Variants in FKBP1B observed in about 807,000 individuals in gnomAD.
The protein encoded by FKBP1B is FKBP prolyl isomerase 1B, also known as peptidyl-prolyl cis-trans isomerase FKBP1B.
Under a neutral mutation model 13.5 loss-of-function variants are expected in FKBP1B, and 4 were observed. The observed-to-expected ratio is 0.30, with a 90% CI of 0.15 to 0.68. The LOEUF (loss-of-function observed/expected upper bound fraction) is 0.68. FKBP1B is among the 30% of genes least tolerant of loss of function. The pLI is 0.76. For missense variants in FKBP1B, 93 were observed against 136.2 expected (o/e 0.68, Z 1.58); for synonymous variants, 54 against 53.6 (o/e 1.01, Z -0.03).
the FKBP1B span, among the ~76,000 whole-genome samples, chr2:24,033,463 T>C: frequency 6.6e-6 from 1 of 152,200 alleles, no homozygotes; most frequent in Non-Finnish European, 1.5e-5. Flanking sequence ...AAAAATTGGC[T>C]GGGCACAGTG....
At chr2:24,060,443 C>T (rs1218564027) in intron 2 of FKBP1B, among the ~76,000 whole-genome samples, 1 of 151,902 alleles carries the variant, frequency 6.6e-6, no homozygotes, top group South Asian at 2.1e-4. Flanking sequence ...TGCCAGCTAC[C>T]TGGGAGGCTG....
chr2:24,061,197 G>A (rs1390677817), intron 3 of FKBP1B, among the ~76,000 whole-genome samples: 3 of 152,190 alleles, frequency 2.0e-5, no homozygotes, highest in Non-Finnish European at 4.4e-5. Flanking sequence ...AGGCACGGTG[G>A]CTCACACCTG....
the FKBP1B span, chr2:24,038,799 A>G: frequency 1.9e-6 from 3 of 1,614,208 alleles, no homozygotes; most frequent in Middle Eastern, 1.6e-4. Context: ...TTTCAGATGC[A>G]TTTAAGCCAC....
chr2:24,054,034 C>T (rs1664005675), intron 2 of FKBP1B, 85 bp downstream of exon 2: 1 of 1,359,010 alleles, frequency 7.4e-7, no homozygotes, highest in Non-Finnish European at 1.1e-6. Flanking sequence ...GAGGTGCCTG[C>T]CTCTGGATCA....
chr2:24,041,189 A>G, the FKBP1B span, among the ~76,000 whole-genome samples: 7 of 151,664 alleles, frequency 4.6e-5, no homozygotes, highest in African/African-American at 1.7e-4. Context: ...TAATACAAAA[A>G]TTAGCCGGGC....
chr2:24,039,617 G>T, the FKBP1B span: 10 of 981,430 alleles, frequency 1.0e-5, no homozygotes, highest in Non-Finnish European at 1.5e-5. Context: ...GGTTAATAAT[G>T]TGGAGAGACA....
the FKBP1B span, among the ~76,000 whole-genome samples, chr2:24,044,022 T>C: frequency 6.6e-5 from 10 of 152,226 alleles, no homozygotes; most frequent in African/African-American, 2.2e-4. Context: ...ACTGGTCTTA[T>C]GAAAGATAAT....
chr2:24,037,709 G>A, the FKBP1B span: 1 of 1,613,572 alleles, frequency 6.2e-7, no homozygotes, highest in Non-Finnish European at 8.5e-7. Flanking sequence ...GGAAGATCTT[G>A]AGAGAGTGGA....
chr2:24,056,892 TG>T (rs1296224532), intron 2 of FKBP1B, among the ~76,000 whole-genome samples: 1 of 152,082 alleles, frequency 6.6e-6, no homozygotes, highest in African/African-American at 2.4e-5. Context: ...GGTTTCGCCA[TG>T]TTGGCCAGGC....
intron 2 of FKBP1B, 43 bp from the exon 3 acceptor site, chr2:24,060,771 C>G (rs772221100): frequency 1.8e-5 from 26 of 1,450,448 alleles, no homozygotes; most frequent in Non-Finnish European, 2.5e-5. Context: ...TGGGAGTTTA[C>G]TCATGACCAC....
rs112520233 is a variant in FKBP1B at position 24,056,014 on chromosome 2, G to A, written c.85+2065G>A. On this transcript the variant is annotated intron_variant, in intron 2 of 3. Coordinates refer to ENST00000380986, the MANE Select transcript of FKBP1B (RefSeq NM_004116.5). ...TTTGTTTTGTTTTTTCTTTTTTTGAGACAGAGTCTATGTTGCCCAGGCTGG... is the reference window on the plus strand; with the variant it reads ...TTTGTTTTGTTTTTTCTTTTTTTGAAACAGAGTCTATGTTGCCCAGGCTGG... Among the ~76,000 whole-genome samples, 349 of 152,184 alleles carry A rather than the reference G, an allele frequency of 2.3e-3. 1 individual carries two copies. Among genetic ancestry groups the A allele is most frequent in the African/African-American group, 8.1e-3 (337 of 41,522 alleles).
chr2:24,039,052 T>C, the FKBP1B span: 1 of 1,614,160 alleles, frequency 6.2e-7, no homozygotes, highest in Middle Eastern at 1.6e-4. Flanking sequence ...TGCCTTTACC[T>C]GGGAATCATC....
Position 24,055,099 on chromosome 2 carries a change from T to C in FKBP1B, c.85+1150T>C, listed in dbSNP as rs559460920. Reference sequence around the variant, plus strand: ...TATGTGACTACCACCTAGAGAAGCATAGAACATACAAGCATAGAACCAGCA... The same window carrying C: ...TATGTGACTACCACCTAGAGAAGCACAGAACATACAAGCATAGAACCAGCA... On this transcript the variant is annotated intron_variant, in intron 2 of 3. Transcript: ENST00000380986. Among the ~76,000 whole-genome samples the C allele has an allele frequency of 3.3e-5, 5 of 152,138 alleles. No individual in the cohort carries two copies. The South Asian group carries it at 1.0e-3, about 32-fold the overall frequency.
chr2:24,040,107 AT>A, the FKBP1B span, among the ~76,000 whole-genome samples: 1 of 152,034 alleles, frequency 6.6e-6, no homozygotes, highest in African/African-American at 2.4e-5. Context: ...GGCCAGAGTT[AT>A]TAATTTTCTT....
chr2:24,045,029 G>A (rs1197020997), upstream of FKBP1B, among the ~76,000 whole-genome samples: 1 of 152,100 alleles, frequency 6.6e-6, no homozygotes, highest in Non-Finnish European at 1.5e-5. Context: ...AATCTTGGGG[G>A]AACCAGCATA....
Position 24,053,897 on chromosome 2 carries a change from T to C in FKBP1B, c.38-5T>C, listed in dbSNP as rs781007418. 6.8e-6 allele frequency: 11 copies of C among 1,613,956 alleles called. No homozygotes were observed. The South Asian group carries it at 1.1e-4, about 16-fold the overall frequency. ...TCCTTCATCTGCCCTCATGTCTCCC[T>C]GCAGGAAGGACATTCCCCAAGAAGG... On this transcript the variant is annotated splice_polypyrimidine_tract_variant and splice_region_variant and intron_variant, in intron 1 of 3. Coordinates refer to ENST00000380986, the MANE Select transcript of FKBP1B (RefSeq NM_004116.5).
chr2:24,034,159 G>C, the FKBP1B span, among the ~76,000 whole-genome samples: 3 of 152,080 alleles, frequency 2.0e-5, no homozygotes, highest in African/African-American at 7.2e-5. Context: ...GGTGGCTCAC[G>C]CCTGTAATCC....
At chr2:24,051,503 C>T (rs892996311) in intron 1 of FKBP1B, among the ~76,000 whole-genome samples, 1 of 152,188 alleles carries the variant, frequency 6.6e-6, no homozygotes, top group African/African-American at 2.4e-5. Flanking sequence ...CCACCACTAA[C>T]TTTTTCCTCC....
the FKBP1B span, chr2:24,039,028 T>G: frequency 6.2e-7 from 1 of 1,614,156 alleles, no homozygotes; most frequent in South Asian, 1.1e-5. Context: ...AATGCGGCCC[T>G]GGGTGTTGAT....
Sources: allele counts gnomAD v4.1 joint callset (sites outside exome capture counted in the v4.1 genomes callset), GRCh38; gene constraint gnomAD v4.1.1; transcripts MANE v1.5; gene names NCBI Gene and HGNC (gene_info 2026-07-23, HGNC 2026-07-21).